Variants in CMKLR2 observed in about 807,000 individuals in gnomAD.
The protein encoded by CMKLR2 is chemerin chemokine-like receptor 2.
Under a neutral mutation model 23.0 loss-of-function variants are expected in CMKLR2, and 18 were observed. The ratio of observed to expected loss-of-function variants is 0.78; its 90% CI spans 0.54 to 1.16. CMKLR2 has a LOEUF of 1.16. Among genes scored for constraint, CMKLR2 ranks in the 50% most tolerant of loss-of-function variants. The probability of loss-of-function intolerance (pLI) is 0.00; values close to 1 mark genes in which losing one functional copy is unlikely to be tolerated. For synonymous variants in CMKLR2, 158 were observed against 158.9 expected (o/e 0.99, Z 0.05); for missense variants, 401 against 412.7 (o/e 0.97, Z 0.25).
chr2:206,190,365 G>T (rs1241870010), intron 1 of CMKLR2, among the ~76,000 whole-genome samples: 1 of 152,178 alleles, frequency 6.6e-6, no homozygotes, highest in Non-Finnish European at 1.5e-5. Context: ...GTAGCAAGGA[G>T]TGATGTGACA....
intron 1 of CMKLR2, among the ~76,000 whole-genome samples, chr2:206,194,947 G>A (rs1157224654): frequency 6.0e-5 from 9 of 151,044 alleles, no homozygotes; most frequent in East Asian, 3.9e-4. Context: ...TAGTAGACAC[G>A]GAGTTTCACT....
At chr2:206,214,164 G>GTTTTTTTTTTTT (rs1271009931), upstream of CMKLR2, among the ~76,000 whole-genome samples, 2 of 78,864 alleles carry the variant, frequency 2.5e-5, no homozygotes, top group South Asian at 4.1e-4. Context: ...TTAAAGACTT[G>GTTTTTTTTTTTT]ATTTTTTTTT....
chr2:206,209,776 G>C (rs1186873063), intron 1 of CMKLR2, among the ~76,000 whole-genome samples: 1 of 150,454 alleles, frequency 6.6e-6, no homozygotes, highest in Non-Finnish European at 1.5e-5. Context: ...AGCCTCCCGA[G>C]TAGCTGGGAC....
intron 1 of CMKLR2, among the ~76,000 whole-genome samples, chr2:206,200,490 A>G (rs1689060048): frequency 6.6e-6 from 1 of 152,248 alleles, no homozygotes; most frequent in Non-Finnish European, 1.5e-5. Flanking sequence ...TGCACTGTCT[A>G]TGGTCTCAAT....
At chr2:206,215,110 C>T (rs956392633), upstream of CMKLR2, among the ~76,000 whole-genome samples, 1 of 152,092 alleles carries the variant, frequency 6.6e-6, no homozygotes, top group Non-Finnish European at 1.5e-5. Context: ...GTAGGGGGTG[C>T]ACTTTTTCAA....
chr2:206,198,377 A>G lies in CMKLR2; in HGVS notation c.-29+14930T>C, dbSNP rs56819793. Reference sequence around the variant, plus strand: ...TAACTTTGGGTGGGTCAGTGGCCCAATTGGGACCCCAGGTGTCTCATGTGG... The same window carrying G: ...TAACTTTGGGTGGGTCAGTGGCCCAGTTGGGACCCCAGGTGTCTCATGTGG... On this transcript the variant is annotated intron_variant, in intron 1 of 1. Transcript: ENST00000621141. Among the ~76,000 whole-genome samples the G allele has an allele frequency of 7.5e-3, 1,135 of 152,278 alleles. 12 individuals carry two copies. Among genetic ancestry groups the G allele is most frequent in the African/African-American group, 0.024 (1,014 of 41,554 alleles).
chr2:206,178,543 C>A (rs1688301678), intron 1 of CMKLR2, among the ~76,000 whole-genome samples: 1 of 152,146 alleles, frequency 6.6e-6, no homozygotes, highest in South Asian at 2.1e-4. Context: ...CTACAGAATG[C>A]AATTAAGCTT....
chr2:206,211,067 C>G (rs1482125405), intron 1 of CMKLR2, among the ~76,000 whole-genome samples: 1 of 152,032 alleles, frequency 6.6e-6, no homozygotes, highest in African/African-American at 2.4e-5. Context: ...GATTCTCCAC[C>G]TTTTTCAAGC....
At chr2:206,212,638 C>CA (rs1477481528) in intron 1 of CMKLR2, among the ~76,000 whole-genome samples, 1 of 152,190 alleles carries the variant, frequency 6.6e-6, no homozygotes, top group East Asian at 1.9e-4. Context: ...TTGTCTCCCA[C>CA]AGTCTTCCCT....
At chr2:206,196,916 T>C (rs541804265) in intron 1 of CMKLR2, among the ~76,000 whole-genome samples, 3 of 152,256 alleles carry the variant, frequency 2.0e-5, no homozygotes, top group East Asian at 3.9e-4. Context: ...ATTCTTTTTT[T>C]GTTTGTTTTT....
chr2:206,190,746 A>C (rs189500409), intron 1 of CMKLR2, among the ~76,000 whole-genome samples: 1 of 152,344 alleles, frequency 6.6e-6, no homozygotes, highest in Admixed American at 6.5e-5. Flanking sequence ...TCAAAGAATA[A>C]TTGAATCAAA....
At chr2:206,198,656 T>G (rs569553346) in intron 1 of CMKLR2, among the ~76,000 whole-genome samples, 8 of 152,288 alleles carry the variant, frequency 5.3e-5, no homozygotes, top group South Asian at 4.1e-4. Context: ...TTAAAAACAT[T>G]CTGCAAATGA....
intron 1 of CMKLR2, among the ~76,000 whole-genome samples, chr2:206,199,364 C>A (rs1216637225): frequency 1.3e-5 from 2 of 152,150 alleles, no homozygotes; most frequent in Non-Finnish European, 2.9e-5. Context: ...CGCACTACTG[C>A]ACTCCAGCCT....
chr2:206,211,335 T>C (rs986597033), intron 1 of CMKLR2, among the ~76,000 whole-genome samples: 1 of 152,190 alleles, frequency 6.6e-6, no homozygotes, highest in Non-Finnish European at 1.5e-5. Flanking sequence ...TGTTTTGTTT[T>C]GTGTTTTGAG....
chr2:206,210,374 A>C (rs906459945), intron 1 of CMKLR2, among the ~76,000 whole-genome samples: 4 of 152,128 alleles, frequency 2.6e-5, no homozygotes, highest in African/African-American at 9.7e-5. Flanking sequence ...TATATGAGCC[A>C]CACTTTCTTT....
At chr2:206,205,192 C>G (rs534584335) in intron 1 of CMKLR2, among the ~76,000 whole-genome samples, 1 of 152,160 alleles carries the variant, frequency 6.6e-6, no homozygotes, top group Non-Finnish European at 1.5e-5. Flanking sequence ...TTCCACTTAC[C>G]ATACCTAGAA....
At chr2:206,212,606 G>C (rs1028922434) in intron 1 of CMKLR2, among the ~76,000 whole-genome samples, 2 of 152,146 alleles carry the variant, frequency 1.3e-5, no homozygotes. Flanking sequence ...ACTAGAAAAG[G>C]AATAATTGAA....
intron 1 of CMKLR2, among the ~76,000 whole-genome samples, chr2:206,200,359 G>T (rs141280097): frequency 7.2e-5 from 11 of 152,064 alleles, no homozygotes; most frequent in Admixed American, 5.9e-4. Flanking sequence ...GGAGGCGGAG[G>T]ATGCGGTGAG....
At chr2:206,187,075 A>C (rs1688603621) in intron 1 of CMKLR2, among the ~76,000 whole-genome samples, 1 of 152,164 alleles carries the variant, frequency 6.6e-6, no homozygotes, top group South Asian at 2.1e-4. Context: ...GGCCAGGCCC[A>C]GTAGCTCATG....
Sources: gnomAD v4.1 joint callset for allele counts (sites outside exome capture counted in the v4.1 genomes callset) on GRCh38, gnomAD v4.1.1 for gene constraint, MANE v1.5 for transcripts, NCBI Gene and HGNC (gene_info 2026-07-23, HGNC 2026-07-21) for gene names.